FAM107B: variants seen among roughly 807,000 people sequenced by gnomAD.
The protein encoded by FAM107B is protein FAM107B.
A neutral mutation model predicts 31.5 loss-of-function variants in FAM107B; 21 were observed. The observed-to-expected ratio is 0.67, with a 90% confidence interval of 0.47 to 0.96. The LOEUF (loss-of-function observed/expected upper bound fraction) is 0.96, where lower values mean the gene tolerates loss of function less well. Among genes scored for constraint, FAM107B ranks in the 40% least tolerant of loss-of-function variants. The probability of loss-of-function intolerance (pLI) is 0.00; values close to 1 mark genes in which losing one functional copy is unlikely to be tolerated. For missense variants in FAM107B, 452 were observed against 377.1 expected (o/e 1.20, Z -1.64); for synonymous variants, 157 against 141.5 (o/e 1.11, Z -0.78).
intron 1 of FAM107B, among the ~76,000 whole-genome samples, chr10:14,717,448 CA>C (rs1453718155): frequency 6.6e-6 from 1 of 152,170 alleles, no homozygotes; most frequent in African/African-American, 2.4e-5. Flanking sequence ...ACCTCAACAC[CA>C]GGGAAGCGGA....
intron 1 of FAM107B, among the ~76,000 whole-genome samples, chr10:14,678,226 G>A (rs1329918052): frequency 6.6e-6 from 1 of 152,200 alleles, no homozygotes; most frequent in East Asian, 1.9e-4. Context: ...ATGGGTGGTT[G>A]TTGTTAGGGT....
intron 2 of FAM107B, chr10:14,556,526 C>A (rs1001787746): frequency 1.3e-5 from 7 of 544,154 alleles, no homozygotes; most frequent in African/African-American, 2.1e-5. Context: ...CAAAGCCGTG[C>A]GCAACGTTTA....
chr10:14,660,168 T>C (rs1854195014), intron 2 of FAM107B, among the ~76,000 whole-genome samples: 1 of 152,064 alleles, frequency 6.6e-6, no homozygotes, highest in South Asian at 2.1e-4. Flanking sequence ...GACCAAGTGG[T>C]GTAATCTTTG....
chr10:14,676,798 G>A (rs1360263757), intron 1 of FAM107B, among the ~76,000 whole-genome samples: 4 of 152,208 alleles, frequency 2.6e-5, no homozygotes, highest in Non-Finnish European at 5.9e-5. Flanking sequence ...ACCCTGTCGT[G>A]GATGCTGTGA....
chr10:14,654,178 T>C (rs958724723), intron 2 of FAM107B, among the ~76,000 whole-genome samples: 11 of 151,188 alleles, frequency 7.3e-5, no homozygotes, highest in Admixed American at 4.6e-4. Context: ...TCAAGAGAAA[T>C]TGGAACCTAG....
At chr10:14,667,940 G>T (rs1039459766) in intron 1 of FAM107B, among the ~76,000 whole-genome samples, 1 of 152,226 alleles carries the variant, frequency 6.6e-6, no homozygotes, top group African/African-American at 2.4e-5. Context: ...TAGTGTCTAT[G>T]CATGTTGTCC....
At position 14,520,818 on chromosome 10, in the gene FAM107B, A is replaced by G; in HGVS notation, c.*372T>C. The G allele has an allele frequency of 5.4e-6, 1 of 184,704 alleles. No homozygotes were observed. 11.4% of individuals were successfully genotyped at this position (184,704 alleles called of 1,614,324 possible). A position where few individuals can be genotyped will look rare whatever the true frequency, so the allele number is the denominator to read the frequency against. ...ACTTGTTTTTTAGCTTTTAAAAGAA[A>G]AAAGGCTCTGGGTCCCACGAAACTT... On this transcript the variant is annotated 3_prime_UTR_variant, in exon 5 of 5. Transcript: ENST00000181796.
intron 2 of FAM107B, among the ~76,000 whole-genome samples, chr10:14,597,716 T>C (rs1852233453): frequency 1.3e-5 from 2 of 152,156 alleles, no homozygotes; most frequent in East Asian, 1.9e-4. Context: ...TGGGAGAGGA[T>C]TGGCAGGCGG....
rs1227148274 is a variant in FAM107B, at chr10:14,608,106, G to A, written c.469+59528C>T. Among the ~76,000 whole-genome samples the A allele has an allele frequency of 2.0e-5, 3 of 152,266 alleles. No individual in the cohort carries two copies. In the East Asian group the frequency reaches 5.8e-4, roughly 29 times the overall value. On this transcript the variant is annotated intron_variant, in intron 2 of 4. Coordinates refer to ENST00000181796, the MANE Select transcript of FAM107B (RefSeq NM_031453.4). ...TGTCTACTTTGGTCATTTTGTTCAT[G>A]CGTAATCTTAAAATTGTTACTTTAC...
chr10:14,652,741 G>A (rs1403098337), intron 2 of FAM107B: 1 of 152,178 alleles, frequency 6.6e-6, no homozygotes, highest in Non-Finnish European at 1.5e-5. Context: ...TGTGAGAAAA[G>A]ACTATTTAAG....
intron 1 of FAM107B, among the ~76,000 whole-genome samples, chr10:14,759,253 G>T (rs777228166): frequency 6.6e-6 from 1 of 152,144 alleles, no homozygotes; most frequent in Non-Finnish European, 1.5e-5. Flanking sequence ...CTGCTGACAT[G>T]CATTCCCACG....
intron 2 of FAM107B, among the ~76,000 whole-genome samples, chr10:14,534,564 TC>T (rs1178492216): frequency 6.6e-6 from 1 of 152,140 alleles, no homozygotes; most frequent in Non-Finnish European, 1.5e-5. Context: ...CCCCACATCC[TC>T]ACACCCCGCC....
chr10:14,680,090 C>A (rs1193628895), intron 1 of FAM107B, among the ~76,000 whole-genome samples: 2 of 152,110 alleles, frequency 1.3e-5, no homozygotes, highest in Non-Finnish European at 2.9e-5. Context: ...TCTAGAGAAC[C>A]CTGACTAACA....
chr10:14,588,371 A>T lies in FAM107B; in HGVS notation c.470-57856T>A, dbSNP rs139948732. 2.3e-3 allele frequency among the ~76,000 whole-genome samples: 356 copies of T among 152,356 alleles called. 2 individuals are homozygous for T. The highest frequency in any genetic ancestry group is 7.8e-3 in the African/African-American group (325 of 41,580). On this transcript the variant is annotated intron_variant, in intron 2 of 4. Transcript: ENST00000181796. ...CAAAACAAACAAACCTACTCCAGGC[A>T]CAAATACCAGATAGCTGCAAAGCCA...
chr10:14,721,034 C>T (rs1855898907), intron 1 of FAM107B, among the ~76,000 whole-genome samples: 2 of 151,944 alleles, frequency 1.3e-5, no homozygotes, highest in South Asian at 2.1e-4. Context: ...GTGACGTTCC[C>T]CGCCCCGTGT....
chr10:14,544,975 T>A (rs1848562595), intron 2 of FAM107B, among the ~76,000 whole-genome samples: 1 of 152,174 alleles, frequency 6.6e-6, no homozygotes, highest in Non-Finnish European at 1.5e-5. Context: ...GTCCGAGGCA[T>A]CGGCACCATC....
At chr10:14,539,993 C>T (rs1848016960) in intron 2 of FAM107B, among the ~76,000 whole-genome samples, 5 of 152,316 alleles carry the variant, frequency 3.3e-5, no homozygotes, top group South Asian at 2.1e-4. Context: ...ACGAGAAGGG[C>T]GACCAGACGT....
chr10:14,671,890 AAACAAAAAAAAAAC>A (rs1284140443), intron 1 of FAM107B, among the ~76,000 whole-genome samples: 82 of 149,502 alleles, frequency 5.5e-4, no homozygotes, highest in Middle Eastern at 3.4e-3. Flanking sequence ...AAAAACAAAA[AAACAAAAAAAAAAC>A]CCTCTATTTC....
intron 1 of FAM107B, among the ~76,000 whole-genome samples, chr10:14,679,967 T>C (rs1048362492): frequency 5.3e-5 from 8 of 152,220 alleles, no homozygotes; most frequent in Non-Finnish European, 1.2e-4. Flanking sequence ...CTGGCTTCCT[T>C]GATCCTCAGC....
Sources: allele counts gnomAD v4.1 joint callset (sites outside exome capture counted in the v4.1 genomes callset), GRCh38; gene constraint gnomAD v4.1.1; transcripts MANE v1.5; gene names NCBI Gene and HGNC (gene_info 2026-07-23, HGNC 2026-07-21).